NBAS: variants seen among roughly 807,000 people sequenced by gnomAD.
NBAS encodes the protein NAG/BC035112 fusion.
Under a neutral mutation model 302.5 loss-of-function variants are expected in NBAS, and 219 were observed. That is an observed-to-expected ratio of 0.72 (90% CI 0.65 to 0.81). The LOEUF (loss-of-function observed/expected upper bound fraction) is 0.81, where lower values mean the gene tolerates loss of function less well. NBAS is among the 30% of genes least tolerant of loss of function. The probability of loss-of-function intolerance (pLI) is 0.00; values close to 1 mark genes in which losing one functional copy is unlikely to be tolerated. For missense variants in NBAS, 2,932 were observed against 2,841.6 expected, an observed-to-expected ratio of 1.03 and a Z score of -0.72; for synonymous variants, 1,118 against 1,021.6, an observed-to-expected ratio of 1.09 and a Z score of -1.80.
chr2:14,892,976 C>T, the NBAS span, among the ~76,000 whole-genome samples: 4 of 152,188 alleles, frequency 2.6e-5, no homozygotes, highest in African/African-American at 4.8e-5. Flanking sequence ...GAATAATTTA[C>T]TTAATATTAG....
chr2:15,511,413 A>G, intron 9 of NBAS, 63 bp from the exon 10 acceptor site: 1 of 1,490,260 alleles, frequency 6.7e-7, no homozygotes, highest in Non-Finnish European at 9.3e-7. Flanking sequence ...CAAAACAAAG[A>G]GAGCAGAAAC....
chr2:15,134,724 A>G, the NBAS span, among the ~76,000 whole-genome samples: 8 of 152,222 alleles, frequency 5.3e-5, no homozygotes, highest in African/African-American at 1.7e-4. Context: ...GATTTAGGCT[A>G]CTTAAATCAT....
rs199936467 is a variant in NBAS at position 15,274,079 on chromosome 2, CA to C, written c.5724+1404del. Reference sequence around the variant, plus strand: ...TGGGGGACAGAGCGAGACTCCGTCTCAAAAAAAAAAAATCATCCTTATTTTT... The same window carrying C: ...TGGGGGACAGAGCGAGACTCCGTCTCAAAAAAAAAAATCATCCTTATTTTT... On this transcript the variant is annotated intron_variant, in intron 44 of 51. Coordinates refer to ENST00000281513, the MANE Select transcript of NBAS (RefSeq NM_015909.4). 1.2e-3 allele frequency among the ~76,000 whole-genome samples: 159 copies of C among 135,586 alleles called. No individual in the cohort carries two copies. The East Asian group carries it at 0.013, about 11-fold the overall frequency. 88.9% of individuals were successfully genotyped at this position (135,586 alleles called of 152,430 possible).
the NBAS span, among the ~76,000 whole-genome samples, chr2:15,072,124 C>CT: frequency 6.6e-6 from 1 of 152,136 alleles, no homozygotes; most frequent in African/African-American, 2.4e-5. Flanking sequence ...CATTACTTTC[C>CT]AAAACTTTTA....
chr2:15,147,581 A>G, the NBAS span, among the ~76,000 whole-genome samples: 1 of 152,204 alleles, frequency 6.6e-6, no homozygotes, highest in Admixed American at 6.5e-5. Flanking sequence ...AACAAGAGCG[A>G]AACTCCGTCT....
the NBAS span, among the ~76,000 whole-genome samples, chr2:15,099,292 T>C: frequency 1.3e-5 from 2 of 151,984 alleles, no homozygotes. Flanking sequence ...CAAGACTCTG[T>C]CTCCTCCCCG....
chr2:15,031,853 C>A, the NBAS span, among the ~76,000 whole-genome samples: 2 of 152,186 alleles, frequency 1.3e-5, no homozygotes, highest in Non-Finnish European at 2.9e-5. Context: ...AGAGAACTGG[C>A]TGGAGATTAT....
chr2:14,781,922 C>CT, the NBAS span, among the ~76,000 whole-genome samples: 6 of 152,120 alleles, frequency 3.9e-5, no homozygotes, highest in Admixed American at 3.3e-4. Context: ...AAAGTCCATC[C>CT]TCCTTAGCAT....
rs573950465 is a variant in NBAS, at chr2:15,191,607, C to A, written c.6433-1204G>T. On this transcript the variant is annotated intron_variant, in intron 48 of 51. Coordinates refer to ENST00000281513, the MANE Select transcript of NBAS (RefSeq NM_015909.4). Reference sequence around the variant, plus strand: ...AGGACAGCACAGGTATTAGTAATCTCACTTTACAGATGAGGAAACAGGCCA... The same window carrying A: ...AGGACAGCACAGGTATTAGTAATCTAACTTTACAGATGAGGAAACAGGCCA... Among the ~76,000 whole-genome samples the A allele has an allele frequency of 2.1e-3, 324 of 152,282 alleles. 1 individual carries two copies. The highest frequency in any genetic ancestry group is 5.2e-3 in the South Asian group (25 of 4,824).
chr2:15,546,045 G>A (rs879698129), intron 6 of NBAS, among the ~76,000 whole-genome samples: 2 of 152,126 alleles, frequency 1.3e-5, no homozygotes, highest in African/African-American at 4.8e-5. Flanking sequence ...CACCTAAGAC[G>A]CTATTCAGTA....
At chr2:14,928,779 C>T in the NBAS span, among the ~76,000 whole-genome samples, 1 of 152,058 alleles carries the variant, frequency 6.6e-6, no homozygotes, top group African/African-American at 2.4e-5. Context: ...TACCCTCTGT[C>T]AAACTGGACA....
In NBAS at chr2:15,276,939, T is replaced by C; in HGVS notation, c.5301A>G (p.Glu1767=). The change falls in exon 43 of 52, where the codon GAA becomes GAG. Residue 1767 remains glutamate (E), a synonymous_variant. Transcript: ENST00000281513. ...TCCCCAAATCTGCACAGCCACAGTT[T>C]TCCAGAAGAGTGAAATAATACTGCA... The part of the protein sequence containing the change: ...ERLQYYFTLL[E]NCGCADLGNC... 1 of 1,614,086 alleles carries C rather than the reference T, an allele frequency of 6.2e-7. No homozygotes were observed.
the NBAS span, among the ~76,000 whole-genome samples, chr2:14,849,069 G>A: frequency 6.0e-5 from 9 of 150,760 alleles, no homozygotes; most frequent in African/African-American, 2.2e-4. Context: ...GAACAAAGCT[G>A]GATGGAGAAT....
intron 29 of NBAS, among the ~76,000 whole-genome samples, chr2:15,380,525 ATAATG>A (rs1487990653): frequency 3.3e-5 from 5 of 152,118 alleles, no homozygotes; most frequent in Admixed American, 6.5e-5. Flanking sequence ...ACAATATATT[ATAATG>A]TAGAGTTTTT....
At chr2:14,923,151 C>CA in the NBAS span, among the ~76,000 whole-genome samples, 1 of 151,044 alleles carries the variant, frequency 6.6e-6, no homozygotes. Context: ...AACTCTGTCT[C>CA]AAAAAAACAA....
At chr2:15,360,458 G>A (rs1673853944) in intron 32 of NBAS, among the ~76,000 whole-genome samples, 1 of 151,658 alleles carries the variant, frequency 6.6e-6, no homozygotes. Flanking sequence ...GCAGCCTCCT[G>A]TCTCAGCACC....
Position 15,264,736 on chromosome 2 carries a change from T to C in NBAS, c.5724+10748A>G, listed in dbSNP as rs1168655218. ...GACTTAAATTCTGTGTCTGTTAAAA[T>C]GGTGACAAATTTACTTCATGGAGCT... On this transcript the variant is annotated intron_variant, in intron 44 of 51. Transcript: ENST00000281513. Among the ~76,000 whole-genome samples, 4 of 152,300 alleles carry C rather than the reference T, an allele frequency of 2.6e-5. No homozygotes were observed. The East Asian group carries it at 7.7e-4, about 29-fold the overall frequency.
the NBAS span, among the ~76,000 whole-genome samples, chr2:14,915,938 G>T: frequency 3.3e-5 from 5 of 152,040 alleles, no homozygotes; most frequent in South Asian, 1.0e-3. Context: ...ATGTGACTTG[G>T]TTCTCCTTGC....
chr2:15,348,870 C>T (rs1437088608), intron 35 of NBAS, among the ~76,000 whole-genome samples: 1 of 152,058 alleles, frequency 6.6e-6, no homozygotes, highest in Non-Finnish European at 1.5e-5. Context: ...GACAATACCA[C>T]GTCACACCGT....
Sources: gnomAD v4.1 joint callset for allele counts (sites outside exome capture counted in the v4.1 genomes callset) on GRCh38, gnomAD v4.1.1 for gene constraint, MANE v1.5 for transcripts, NCBI Gene and HGNC (gene_info 2026-07-23, HGNC 2026-07-21) for gene names.